Variants in PACRG observed in about 807,000 individuals in gnomAD.
PACRG encodes parkin coregulated gene protein.
Under a neutral mutation model 29.7 loss-of-function variants are expected in PACRG, and 29 were observed. The observed-to-expected ratio is 0.98, with a 90% CI of 0.73 to 1.33. The LOEUF (loss-of-function observed/expected upper bound fraction) is 1.33. Among genes scored for constraint, PACRG ranks in the 40% most tolerant of loss-of-function variants. The probability of loss-of-function intolerance (pLI) is 0.00; values close to 1 mark genes in which losing one functional copy is unlikely to be tolerated. For synonymous variants in PACRG, 116 were observed against 118.7 expected, an observed-to-expected ratio of 0.98 and a Z score of 0.15; for missense variants, 279 against 316.2, an observed-to-expected ratio of 0.88 and a Z score of 0.89.
At chr6:163,197,434 C>CTTTTTTTT (rs57942658) in intron 4 of PACRG, among the ~76,000 whole-genome samples, 45 of 106,284 alleles carry the variant, frequency 4.2e-4, no homozygotes, top group Non-Finnish European at 6.5e-4. Flanking sequence ...CTTTTCTTTT[C>CTTTTTTTT]TTTTTTTTTT....
intron 4 of PACRG, among the ~76,000 whole-genome samples, chr6:163,235,726 A>G (rs1240727382): frequency 2.0e-5 from 3 of 152,130 alleles, no homozygotes; most frequent in African/African-American, 4.8e-5. Context: ...TTTATCATCT[A>G]TATTATAGGG....
intron 4 of PACRG, among the ~76,000 whole-genome samples, chr6:163,173,653 A>G (rs1438973872): frequency 1.4e-4 from 21 of 152,210 alleles, no homozygotes; most frequent in Non-Finnish European, 2.8e-4. Flanking sequence ...CAGGACCTCC[A>G]GAACGTGGGT....
At chr6:163,110,133 A>G (rs1274629872) in intron 4 of PACRG, among the ~76,000 whole-genome samples, 7 of 152,228 alleles carry the variant, frequency 4.6e-5, no homozygotes, top group Non-Finnish European at 1.0e-4. Context: ...CCAACTGAGA[A>G]AGGGCAGAGG....
chr6:163,061,188 C>T (rs937993992), intron 2 of PACRG, among the ~76,000 whole-genome samples: 1 of 152,144 alleles, frequency 6.6e-6, no homozygotes, highest in African/African-American at 2.4e-5. Context: ...CCATCCCTTG[C>T]TCTGTGTAGA....
chr6:162,915,222 G>C (rs1796621500), intron 2 of PACRG, among the ~76,000 whole-genome samples: 1 of 151,472 alleles, frequency 6.6e-6, no homozygotes, highest in South Asian at 2.1e-4. Context: ...TAAAAATTAT[G>C]AATGAGCATT....
intron 1 of PACRG, among the ~76,000 whole-genome samples, chr6:162,768,371 T>C (rs1439671078): frequency 6.6e-6 from 1 of 152,126 alleles, no homozygotes; most frequent in Non-Finnish European, 1.5e-5. Flanking sequence ...TCTCTGGATG[T>C]TTTTCTAATT....
At chr6:163,268,063 T>C (rs900837949) in intron 4 of PACRG, among the ~76,000 whole-genome samples, 1 of 152,178 alleles carries the variant, frequency 6.6e-6, no homozygotes, top group African/African-American at 2.4e-5. Flanking sequence ...TTTAAATGAA[T>C]AAAATTTAAC....
chr6:163,314,457 T>C (rs1204334012), intron 4 of PACRG, among the ~76,000 whole-genome samples: 1 of 152,174 alleles, frequency 6.6e-6, no homozygotes, highest in African/African-American at 2.4e-5. Flanking sequence ...AACAGCCTGA[T>C]CTCACAATAG....
At chr6:162,741,357 A>C (rs1432575812) in intron 1 of PACRG, among the ~76,000 whole-genome samples, 1 of 152,144 alleles carries the variant, frequency 6.6e-6, no homozygotes, top group Non-Finnish European at 1.5e-5. Flanking sequence ...TGGCTTAAAC[A>C]TTTATTTCTC....
At chr6:162,814,101 T>A (rs773218542) in intron 1 of PACRG, 46 bp from the exon 2 acceptor site, 43 of 1,517,584 alleles carry the variant, frequency 2.8e-5, no homozygotes, top group Non-Finnish European at 3.4e-5. Flanking sequence ...TGAATTTTTT[T>A]AGTATGTCTT....
At chr6:162,864,837 G>A (rs1311185494) in intron 2 of PACRG, among the ~76,000 whole-genome samples, 2 of 152,146 alleles carry the variant, frequency 1.3e-5, no homozygotes, top group Non-Finnish European at 2.9e-5. Flanking sequence ...TGTACTAGAC[G>A]TTTGTTGTGA....
chr6:163,218,640 C>G (rs1446195890), intron 4 of PACRG, among the ~76,000 whole-genome samples: 1 of 152,186 alleles, frequency 6.6e-6, no homozygotes, highest in East Asian at 1.9e-4. Context: ...ACTCAAACTC[C>G]CAGCAACACT....
chr6:163,305,568 A>C (rs981588899), intron 4 of PACRG, among the ~76,000 whole-genome samples: 1 of 152,148 alleles, frequency 6.6e-6, no homozygotes, highest in African/African-American at 2.4e-5. Context: ...AATAAATCAT[A>C]ATAAATGCCC....
chr6:162,948,271 G>T (rs967618854), intron 2 of PACRG, among the ~76,000 whole-genome samples: 1 of 152,016 alleles, frequency 6.6e-6, no homozygotes, highest in African/African-American at 2.4e-5. Flanking sequence ...TTTTGACATA[G>T]GTGCCAACAA....
At chr6:163,235,153 A>G (rs1017906555) in intron 4 of PACRG, among the ~76,000 whole-genome samples, 5 of 152,110 alleles carry the variant, frequency 3.3e-5, no homozygotes, top group Non-Finnish European at 7.4e-5. Context: ...CTTCCATCGT[A>G]AGCCGGCTGA....
chr6:162,733,990 A>G (rs1779971580), intron 1 of PACRG, among the ~76,000 whole-genome samples: 2 of 152,054 alleles, frequency 1.3e-5, no homozygotes, highest in Non-Finnish European at 2.9e-5. Context: ...GAATTTGTTT[A>G]TTTCACCCAT....
At chr6:162,891,449 T>C (rs1794751871) in intron 2 of PACRG, among the ~76,000 whole-genome samples, 1 of 152,134 alleles carries the variant, frequency 6.6e-6, no homozygotes, top group African/African-American at 2.4e-5. Flanking sequence ...TGCCTGGGCC[T>C]GGTTCAGTGA....
chr6:163,304,250 C>T (rs1395764804), intron 4 of PACRG, among the ~76,000 whole-genome samples: 1 of 152,064 alleles, frequency 6.6e-6, no homozygotes, highest in Non-Finnish European at 1.5e-5. Flanking sequence ...CCATGGATAA[C>T]AACTCACAAA....
intron 2 of PACRG, among the ~76,000 whole-genome samples, chr6:162,827,787 C>T (rs1186849272): frequency 6.6e-6 from 1 of 152,024 alleles, no homozygotes; most frequent in African/African-American, 2.4e-5. Context: ...CCTCCATATC[C>T]ACCTCCTCTG....
Sources: gnomAD v4.1 joint callset for allele counts (sites outside exome capture counted in the v4.1 genomes callset) on GRCh38, gnomAD v4.1.1 for gene constraint, MANE v1.5 for transcripts, NCBI Gene and HGNC (gene_info 2026-07-23, HGNC 2026-07-21) for gene names.